Variants in CADM2 observed in about 807,000 individuals in gnomAD.
CADM2 encodes the protein cell adhesion molecule 2, also known as immunoglobulin superfamily member 4D.
A neutral mutation model predicts 49.8 loss-of-function variants in CADM2; 12 were observed. The observed-to-expected ratio is 0.24, with a 90% CI of 0.15 to 0.39. The LOEUF is 0.39. Among genes scored for constraint, CADM2 ranks in the 10% least tolerant of loss-of-function variants. The probability of loss-of-function intolerance (pLI) is 1.00; values close to 1 mark genes in which losing one functional copy is unlikely to be tolerated. For missense variants in CADM2, 378 were observed against 492.3 expected, an observed-to-expected ratio of 0.77 and a Z score of 2.20; for synonymous variants, 214 against 175.4, an observed-to-expected ratio of 1.22 and a Z score of -1.74.
intron 1 of CADM2, among the ~76,000 whole-genome samples, chr3:85,346,123 A>G (rs773722771): frequency 1.3e-5 from 2 of 152,190 alleles, no homozygotes; most frequent in African/African-American, 4.8e-5. Flanking sequence ...CATAGAGAAG[A>G]TATTTCAGCC....
At chr3:85,732,315 C>G (rs1395473360) in intron 2 of CADM2, among the ~76,000 whole-genome samples, 1 of 151,776 alleles carries the variant, frequency 6.6e-6, no homozygotes, top group Non-Finnish European at 1.5e-5. Context: ...ATAACAGCTA[C>G]AAAATCTTCA....
At chr3:85,643,675 T>G (rs888981412) in intron 1 of CADM2, among the ~76,000 whole-genome samples, 1 of 152,142 alleles carries the variant, frequency 6.6e-6, no homozygotes, top group Non-Finnish European at 1.5e-5. Flanking sequence ...CTGACAATAC[T>G]TTTTTTGGCA....
intron 1 of CADM2, among the ~76,000 whole-genome samples, chr3:84,962,062 C>CG (rs1407610991): frequency 6.6e-6 from 1 of 151,286 alleles, no homozygotes; most frequent in Non-Finnish European, 1.5e-5. Context: ...GACTGGGGAG[C>CG]GGGGGGTGCG....
intron 1 of CADM2, among the ~76,000 whole-genome samples, chr3:85,047,847 A>G (rs1318537940): frequency 6.6e-6 from 1 of 152,176 alleles, no homozygotes; most frequent in African/African-American, 2.4e-5. Flanking sequence ...GTAAGAATTT[A>G]CACTTCTTCT....
At chr3:85,376,908 T>C (rs1242946734) in intron 1 of CADM2, among the ~76,000 whole-genome samples, 1 of 152,128 alleles carries the variant, frequency 6.6e-6, no homozygotes, top group Admixed American at 6.6e-5. Context: ...GTGTTTTAAA[T>C]ATCATGGATC....
chr3:85,489,755 T>TGA (rs1466182222), intron 1 of CADM2, among the ~76,000 whole-genome samples: 14 of 148,376 alleles, frequency 9.4e-5, no homozygotes, highest in Non-Finnish European at 1.8e-4. Context: ...TGTGTGTGTG[T>TGA]GTGAGAGAGA....
At chr3:85,570,987 G>A (rs1576833090) in intron 1 of CADM2, among the ~76,000 whole-genome samples, 1 of 152,254 alleles carries the variant, frequency 6.6e-6, no homozygotes, top group East Asian at 1.9e-4. Context: ...AATGTTAGAA[G>A]CATGATTATT....
chr3:86,013,403 C>T, intron 8 of CADM2: 1 of 1,543,698 alleles, frequency 6.5e-7, no homozygotes, highest in Non-Finnish European at 8.9e-7. Context: ...GACAGGAGGC[C>T]GAAGAAATCC....
chr3:85,323,121 T>A (rs1009239952), intron 1 of CADM2, among the ~76,000 whole-genome samples: 9 of 152,158 alleles, frequency 5.9e-5, no homozygotes, highest in African/African-American at 1.7e-4. Context: ...AGCTCCCATC[T>A]TCTTGGAAAA....
At chr3:85,545,384 A>G (rs2061646335) in intron 1 of CADM2, among the ~76,000 whole-genome samples, 1 of 152,188 alleles carries the variant, frequency 6.6e-6, no homozygotes, top group South Asian at 2.1e-4. Context: ...GAAATAGAAA[A>G]TGTAATTCTG....
intron 1 of CADM2, among the ~76,000 whole-genome samples, chr3:85,539,689 T>A (rs1204083280): frequency 6.6e-6 from 1 of 152,150 alleles, no homozygotes; most frequent in Non-Finnish European, 1.5e-5. Flanking sequence ...TATTTTTTAA[T>A]GGGGTAGAAA....
chr3:85,182,417 A>G (rs1049857424), intron 1 of CADM2, among the ~76,000 whole-genome samples: 2 of 152,132 alleles, frequency 1.3e-5, no homozygotes, highest in African/African-American at 4.8e-5. Flanking sequence ...ATGATAAAAA[A>G]GGAATTTCAC....
At chr3:85,719,326 T>A (rs1461349622) in intron 1 of CADM2, among the ~76,000 whole-genome samples, 1 of 152,280 alleles carries the variant, frequency 6.6e-6, no homozygotes, top group Admixed American at 6.5e-5. Flanking sequence ...GTTCAGAAAT[T>A]GTAATACAGT....
intron 1 of CADM2, among the ~76,000 whole-genome samples, chr3:85,316,134 A>G (rs1163837706): frequency 6.6e-6 from 1 of 152,164 alleles, no homozygotes. Context: ...TCATATTTGT[A>G]TCTCTCTGTC....
intron 1 of CADM2, among the ~76,000 whole-genome samples, chr3:85,262,487 C>T (rs982656304): frequency 1.1e-4 from 16 of 151,934 alleles, no homozygotes; most frequent in Non-Finnish European, 1.5e-5. Context: ...TTGATTATAT[C>T]TTCTTGAAAA....
intron 1 of CADM2, among the ~76,000 whole-genome samples, chr3:85,434,463 G>A (rs920095974): frequency 1.2e-4 from 18 of 151,706 alleles, no homozygotes; most frequent in Admixed American, 1.3e-4. Context: ...TGTACTAAGG[G>A]GCTATAATGT....
intron 8 of CADM2, chr3:86,014,959 T>A: frequency 7.1e-7 from 1 of 1,407,300 alleles, no homozygotes; most frequent in Non-Finnish European, 1.0e-6. Flanking sequence ...AAAGCATATT[T>A]AAGGAACACT....
chr3:85,980,900 T>C (rs990836630), intron 8 of CADM2, among the ~76,000 whole-genome samples: 2 of 151,582 alleles, frequency 1.3e-5, no homozygotes, highest in African/African-American at 4.8e-5. Flanking sequence ...TATTCAATTA[T>C]GCCTTCTTCT....
intron 1 of CADM2, among the ~76,000 whole-genome samples, chr3:85,279,873 A>G (rs1409317228): frequency 2.6e-5 from 4 of 151,652 alleles, no homozygotes; most frequent in Admixed American, 1.3e-4. Context: ...CAACTTTTTA[A>G]TTGGGTTATT....
Sources: allele counts gnomAD v4.1 joint callset (sites outside exome capture counted in the v4.1 genomes callset), GRCh38; gene constraint gnomAD v4.1.1; transcripts MANE v1.5; gene names NCBI Gene and HGNC (gene_info 2026-07-23, HGNC 2026-07-21).